The following SLC25A48 variants were observed in gnomAD, a reference collection of about 807,000 sequenced individuals.
SLC25A48 encodes the protein solute carrier family 25 member 48.
A neutral mutation model predicts 32.2 loss-of-function variants in SLC25A48; 29 were observed. The ratio of observed to expected loss-of-function variants is 0.90; its 90% CI spans 0.67 to 1.23. SLC25A48 has a LOEUF of 1.23. Ranked by LOEUF, SLC25A48 falls within the 50% of genes most tolerant of loss-of-function variation. The pLI is 0.00. For missense variants in SLC25A48, 399 were observed against 422.7 expected, an observed-to-expected ratio of 0.94 and a Z score of 0.49; for synonymous variants, 164 against 172.3, an observed-to-expected ratio of 0.95 and a Z score of 0.38.
At chr5:135,788,366 C>T (rs1437783647) in intron 3 of SLC25A48, among the ~76,000 whole-genome samples, 4 of 150,972 alleles carry the variant, frequency 2.6e-5, no homozygotes, top group Admixed American at 2.6e-4. Context: ...GTACACCCCC[C>T]CGCCATATGG....
intron 4 of SLC25A48, among the ~76,000 whole-genome samples, chr5:135,819,050 T>A (rs1232031162): frequency 6.6e-6 from 1 of 150,534 alleles, no homozygotes; most frequent in Non-Finnish European, 1.5e-5. Context: ...GAGAAAAGGT[T>A]AAGAAACAAA....
At chr5:135,862,709 T>A (rs1225607448) in intron 4 of SLC25A48, among the ~76,000 whole-genome samples, 3 of 152,062 alleles carry the variant, frequency 2.0e-5, no homozygotes, top group African/African-American at 7.2e-5. Context: ...GATGGGGACA[T>A]GGGATGGCGA....
chr5:135,757,205 A>G (rs935770353), intron 3 of SLC25A48, among the ~76,000 whole-genome samples: 1 of 150,026 alleles, frequency 6.7e-6, no homozygotes, highest in Non-Finnish European at 1.5e-5. Context: ...TATTAATGTC[A>G]TCTATATTAT....
At chr5:135,692,817 T>C (rs1475230234) in intron 3 of SLC25A48, among the ~76,000 whole-genome samples, 2 of 152,240 alleles carry the variant, frequency 1.3e-5, no homozygotes, top group African/African-American at 4.8e-5. Context: ...TAATTAAACC[T>C]GCCACTCAAC....
intron 3 of SLC25A48, among the ~76,000 whole-genome samples, chr5:135,806,198 A>C (rs1365424826): frequency 6.6e-6 from 1 of 151,722 alleles, no homozygotes; most frequent in East Asian, 1.9e-4. Context: ...TATGATTCAT[A>C]ATATCTAGAA....
At chr5:135,756,126 C>T (rs1755896119) in intron 3 of SLC25A48, among the ~76,000 whole-genome samples, 1 of 151,566 alleles carries the variant, frequency 6.6e-6, no homozygotes, top group African/African-American at 2.4e-5. Context: ...TGAAATATTG[C>T]TGTGATATTT....
chr5:135,647,407 C>T (rs1752988975), intron 3 of SLC25A48, among the ~76,000 whole-genome samples: 3 of 152,318 alleles, frequency 2.0e-5, no homozygotes, highest in Admixed American at 6.5e-5. Flanking sequence ...TTCCCTCAAG[C>T]ACAGCACAGT....
At chr5:135,634,388 G>A (rs1752649338) in intron 2 of SLC25A48, among the ~76,000 whole-genome samples, 1 of 152,228 alleles carries the variant, frequency 6.6e-6, no homozygotes, top group South Asian at 2.1e-4. Context: ...CCCAAGGAGT[G>A]GAAGTTCTGG....
intron 3 of SLC25A48, among the ~76,000 whole-genome samples, chr5:135,687,993 A>C (rs1204740022): frequency 6.6e-6 from 1 of 152,254 alleles, no homozygotes; most frequent in Non-Finnish European, 1.5e-5. Context: ...TTGTACAGCC[A>C]TCTCCCCCAT....
At chr5:135,747,265 C>A (rs1755663515) in intron 3 of SLC25A48, among the ~76,000 whole-genome samples, 1 of 150,320 alleles carries the variant, frequency 6.7e-6, no homozygotes, top group Admixed American at 6.6e-5. Flanking sequence ...TATATGATAT[C>A]TATATATATA....
chr5:135,658,456 T>A (rs549904983), intron 3 of SLC25A48, among the ~76,000 whole-genome samples: 1 of 152,314 alleles, frequency 6.6e-6, no homozygotes, highest in South Asian at 2.1e-4. Flanking sequence ...CTCAACTGCT[T>A]TCATGTGCTG....
intron 4 of SLC25A48, among the ~76,000 whole-genome samples, chr5:135,860,625 A>G (rs1409648140): frequency 6.6e-6 from 1 of 152,218 alleles, no homozygotes; most frequent in Non-Finnish European, 1.5e-5. Context: ...ACAGAACACC[A>G]TAGAGCCCAA....
intron 1 of SLC25A48, among the ~76,000 whole-genome samples, chr5:135,591,014 A>G (rs566212432): frequency 6.6e-6 from 1 of 152,320 alleles, no homozygotes; most frequent in African/African-American, 2.4e-5. Context: ...CCACAGCATC[A>G]TCCTGCCTCT....
chr5:135,649,912 T>A (rs938474509), intron 3 of SLC25A48: 5 of 168,900 alleles, frequency 3.0e-5, no homozygotes, highest in African/African-American at 1.2e-4. Context: ...TGCAGCAAAA[T>A]GCCAAGCTCT....
At chr5:135,686,235 A>G (rs1580784561) in intron 3 of SLC25A48, among the ~76,000 whole-genome samples, 2 of 152,172 alleles carry the variant, frequency 1.3e-5, no homozygotes, top group East Asian at 3.9e-4. Context: ...TGGGTTGTAG[A>G]GAGGATTAAA....
chr5:135,791,178 G>T (rs1432789353), intron 3 of SLC25A48, among the ~76,000 whole-genome samples: 1 of 150,558 alleles, frequency 6.6e-6, no homozygotes, highest in Non-Finnish European at 1.5e-5. Context: ...TCACACTGAG[G>T]GTACACCCTG....
intron 3 of SLC25A48, among the ~76,000 whole-genome samples, chr5:135,767,677 T>G (rs1040573506): frequency 6.6e-6 from 1 of 151,766 alleles, no homozygotes; most frequent in African/African-American, 2.4e-5. Context: ...ATGATATTAC[T>G]CCTATTATTG....
intron 3 of SLC25A48, among the ~76,000 whole-genome samples, chr5:135,665,466 ATT>A (rs888587042): frequency 6.6e-6 from 1 of 151,438 alleles, no homozygotes; most frequent in African/African-American, 2.4e-5. Context: ...ATTTTATTTT[ATT>A]TTTTGCATTT....
At chr5:135,874,578 C>T (rs907566649) in intron 6 of SLC25A48, 4 of 612,498 alleles carry the variant, frequency 6.5e-6, no homozygotes, top group Non-Finnish European at 8.8e-6. Flanking sequence ...CCTCAGTCAG[C>T]TCATCTCACC....
Sources: allele counts gnomAD v4.1 joint callset (sites outside exome capture counted in the v4.1 genomes callset), GRCh38; gene constraint gnomAD v4.1.1; transcripts MANE v1.5; gene names NCBI Gene and HGNC (gene_info 2026-07-23, HGNC 2026-07-21).